Variants in NDUFS4 observed in about 807,000 individuals in gnomAD.
The protein encoded by NDUFS4 is NADH dehydrogenase [ubiquinone] iron-sulfur protein 4, mitochondrial.
In NDUFS4, 28 loss-of-function variants were observed where a neutral mutation model predicts 24.3. The observed-to-expected ratio is 1.15, with a 90% CI of 0.85 to 1.58. The LOEUF is 1.58. NDUFS4 is among the 40% of genes most tolerant of loss of function. The pLI, the probability that NDUFS4 is intolerant of heterozygous loss-of-function variation, is 0.00. For missense variants in NDUFS4, 223 were observed against 207.9 expected (o/e 1.07, Z -0.45); for synonymous variants, 93 against 69.7 (o/e 1.34, Z -1.67).
At chr5:53,607,838 C>G (rs1750575204) in intron 2 of NDUFS4, among the ~76,000 whole-genome samples, 1 of 152,112 alleles carries the variant, frequency 6.6e-6, no homozygotes, top group Middle Eastern at 3.2e-3. Flanking sequence ...TTCAGCTGTC[C>G]TCCATTAAGC....
chr5:53,661,929 A>G (rs952227604), intron 4 of NDUFS4, among the ~76,000 whole-genome samples: 3 of 149,488 alleles, frequency 2.0e-5, no homozygotes, highest in Admixed American at 6.6e-5. Context: ...ATATACAACC[A>G]TGTCATCTGC....
At chr5:53,611,714 A>C (rs895716226) in intron 2 of NDUFS4, among the ~76,000 whole-genome samples, 2 of 151,992 alleles carry the variant, frequency 1.3e-5, no homozygotes, top group African/African-American at 4.8e-5. Context: ...GAGCTGTGCC[A>C]TGAGGTTAGG....
chr5:53,600,349 G>T (rs1160580339), intron 1 of NDUFS4, among the ~76,000 whole-genome samples: 1 of 151,676 alleles, frequency 6.6e-6, no homozygotes, highest in Non-Finnish European at 1.5e-5. Flanking sequence ...TCACTTTGTT[G>T]CCCAGGCTGG....
At chr5:53,591,459 T>G (rs1749953679) in intron 1 of NDUFS4, among the ~76,000 whole-genome samples, 1 of 49,626 alleles carries the variant, frequency 2.0e-5, no homozygotes, top group Non-Finnish European at 5.2e-5. Flanking sequence ...GTTTGTTTTT[T>G]TTGGGGGGGG....
intron 1 of NDUFS4, among the ~76,000 whole-genome samples, chr5:53,575,559 G>A (rs1176607888): frequency 9.6e-4 from 42 of 43,858 alleles, no homozygotes; most frequent in African/African-American, 3.1e-3. Context: ...TTTTTTTTTT[G>A]CAGACAGAGT....
chr5:53,642,891 A>G (rs527448143), intron 2 of NDUFS4, among the ~76,000 whole-genome samples: 9 of 152,266 alleles, frequency 5.9e-5, no homozygotes, highest in Middle Eastern at 6.8e-3. Flanking sequence ...CATCTTTCCA[A>G]TAGCAAATTT....
rs142269494 is a variant in NDUFS4 at position 53,675,888 on chromosome 5, G to A, written c.425-7230G>A. Among the ~76,000 whole-genome samples, 3 of 152,264 alleles carry A rather than the reference G, an allele frequency of 2.0e-5. No individual in the cohort carries two copies. The East Asian group carries it at 5.8e-4, about 29-fold the overall frequency. On this transcript the variant is annotated intron_variant, in intron 4 of 4. Transcript: ENST00000296684. The stretch of plus-strand genomic sequence containing the variant: ...CTTTGGATTCACCTTTTAGAGCCAA[G>A]AAAAGAGGTATGCAGGCTTAAGCAT...
At chr5:53,663,583 G>A (rs1052430375) in intron 4 of NDUFS4, among the ~76,000 whole-genome samples, 1 of 152,214 alleles carries the variant, frequency 6.6e-6, no homozygotes, top group African/African-American at 2.4e-5. Context: ...TTACCATTAT[G>A]TAATGGCCTT....
At chr5:53,659,243 A>G (rs1054313555) in intron 4 of NDUFS4, among the ~76,000 whole-genome samples, 1 of 152,154 alleles carries the variant, frequency 6.6e-6, no homozygotes, top group African/African-American at 2.4e-5. Flanking sequence ...TGATCTTGCT[A>G]TCAACAAAAA....
intron 1 of NDUFS4, among the ~76,000 whole-genome samples, chr5:53,576,080 G>A (rs1476301372): frequency 6.6e-6 from 1 of 152,002 alleles, no homozygotes; most frequent in African/African-American, 2.4e-5. Context: ...AGGGTGTAGA[G>A]GTCAGAGATC....
intron 3 of NDUFS4, among the ~76,000 whole-genome samples, chr5:53,655,975 T>C (rs1012772937): frequency 2.0e-5 from 3 of 152,140 alleles, no homozygotes; most frequent in Non-Finnish European, 2.9e-5. Flanking sequence ...GAAACCTTGC[T>C]GAATCATGTA....
chr5:53,625,044 C>A (rs911521027), intron 2 of NDUFS4, among the ~76,000 whole-genome samples: 3 of 152,096 alleles, frequency 2.0e-5, no homozygotes, highest in Admixed American at 2.0e-4. Context: ...CTCCTGAGCT[C>A]AAGAGATCCT....
At chr5:53,626,063 G>C (rs990414053) in intron 2 of NDUFS4, among the ~76,000 whole-genome samples, 1 of 151,936 alleles carries the variant, frequency 6.6e-6, no homozygotes, top group Non-Finnish European at 1.5e-5. Flanking sequence ...TGGGCCCTGG[G>C]TTGTGATGTT....
chr5:53,623,470 T>C (rs1038866471), intron 2 of NDUFS4, among the ~76,000 whole-genome samples: 2 of 152,220 alleles, frequency 1.3e-5, no homozygotes, highest in African/African-American at 4.8e-5. Context: ...TGTTTGTTTT[T>C]TTGTTGAGTT....
rs186939858 is a variant in NDUFS4, at chr5:53,619,686, T to C, written c.177+16156T>C. ...TTGGTGAATTTACTTCTTTTTTATA[T>C]GAATATTTAAACACACTAATATCTA... On this transcript the variant is annotated intron_variant, in intron 2 of 4. Coordinates refer to ENST00000296684, the MANE Select transcript of NDUFS4 (RefSeq NM_002495.4). Among the ~76,000 whole-genome samples, 567 of 152,202 alleles carry C rather than the reference T, an allele frequency of 3.7e-3. 5 individuals are homozygous for C. Among genetic ancestry groups the C allele is most frequent in the African/African-American group, 0.013 (543 of 41,550 alleles).
chr5:53,585,738 G>A (rs376174008), intron 1 of NDUFS4, among the ~76,000 whole-genome samples: 7 of 148,042 alleles, frequency 4.7e-5, no homozygotes, highest in East Asian at 2.0e-4. Context: ...GCGTAACTCC[G>A]TCTCAAAAAA....
At chr5:53,658,057 A>AT (rs1752215886) in intron 3 of NDUFS4, among the ~76,000 whole-genome samples, 2 of 152,210 alleles carry the variant, frequency 1.3e-5, no homozygotes, top group Admixed American at 6.5e-5. Flanking sequence ...TTAGAGCTTT[A>AT]TTTTTTTATG....
chr5:53,613,462 A>G (rs1750757597), intron 2 of NDUFS4, among the ~76,000 whole-genome samples: 1 of 152,028 alleles, frequency 6.6e-6, no homozygotes, highest in Non-Finnish European at 1.5e-5. Flanking sequence ...TTCACTAAAT[A>G]TGTATAATGT....
chr5:53,591,024 T>C (rs1411432353), intron 1 of NDUFS4, among the ~76,000 whole-genome samples: 2 of 152,248 alleles, frequency 1.3e-5, no homozygotes, highest in African/African-American at 2.4e-5. Flanking sequence ...ATAAATAGAA[T>C]CATATACTAT....
Sources: gnomAD v4.1 joint callset for allele counts (sites outside exome capture counted in the v4.1 genomes callset) on GRCh38, gnomAD v4.1.1 for gene constraint, MANE v1.5 for transcripts, NCBI Gene and HGNC (gene_info 2026-07-23, HGNC 2026-07-21) for gene names.